The following FAM107B variants were observed in gnomAD, a reference collection of about 807,000 sequenced individuals.
FAM107B encodes family with sequence similarity 107 member B.
FAM107B carries 21 observed loss-of-function variants against 31.5 expected under a neutral mutation model. That is an observed-to-expected ratio of 0.67 (90% confidence interval 0.47 to 0.96). The LOEUF (loss-of-function observed/expected upper bound fraction) is 0.96, where lower values mean the gene tolerates loss of function less well. FAM107B is among the 40% of genes least tolerant of loss of function. FAM107B has a pLI of 0.00. For missense variants in FAM107B, 452 were observed against 377.1 expected (o/e 1.20, Z -1.64); for synonymous variants, 157 against 141.5 (o/e 1.11, Z -0.78).
At chr10:14,668,939 G>GA (rs1474053915) in intron 1 of FAM107B, among the ~76,000 whole-genome samples, 3 of 152,138 alleles carry the variant, frequency 2.0e-5, no homozygotes, top group African/African-American at 4.8e-5. Flanking sequence ...TAACCAGAGT[G>GA]AAAAAATTGA....
At chr10:14,767,051 TATATAGAGAGAGAGAGAG>T (rs1393376605) in intron 1 of FAM107B, among the ~76,000 whole-genome samples, 8 of 31,824 alleles carry the variant, frequency 2.5e-4, no homozygotes, top group African/African-American at 8.8e-4. Flanking sequence ...TATATATATA[TATATAGAGAGAGAGAGAG>T]AGAGAGAGAG....
chr10:14,712,455 G>C (rs964087960), intron 1 of FAM107B, among the ~76,000 whole-genome samples: 1 of 151,824 alleles, frequency 6.6e-6, no homozygotes, highest in Non-Finnish European at 1.5e-5. Context: ...TTAGCCAGCT[G>C]TGGTGATGGG....
At chr10:14,760,904 C>T (rs1173153274) in intron 1 of FAM107B, among the ~76,000 whole-genome samples, 3 of 149,390 alleles carry the variant, frequency 2.0e-5, no homozygotes, top group African/African-American at 4.9e-5. Flanking sequence ...TTCAGCTACT[C>T]GAGAGACTGA....
rs539613441 is a variant in FAM107B, at chr10:14,566,637, G to T, written c.470-36122C>A. ...GAGGGAACCAACACAGGTTGTTTAT[G>T]ATACTGAGTGTGCAATCATTTGCTG... On this transcript the variant is annotated intron_variant, in intron 2 of 4. Coordinates refer to ENST00000181796, the MANE Select transcript of FAM107B (RefSeq NM_031453.4). 3.3e-5 allele frequency among the ~76,000 whole-genome samples: 5 copies of T among 152,336 alleles called. No individual in the cohort carries two copies. The East Asian group carries it at 7.7e-4, about 24-fold the overall frequency.
At chr10:14,750,066 A>C (rs954987433) in intron 1 of FAM107B, among the ~76,000 whole-genome samples, 4 of 152,248 alleles carry the variant, frequency 2.6e-5, no homozygotes, top group African/African-American at 9.6e-5. Context: ...GGAGGGCACC[A>C]GGAAAAAATC....
intron 2 of FAM107B, among the ~76,000 whole-genome samples, chr10:14,570,238 GT>G (rs1446105051): frequency 3.2e-4 from 45 of 138,828 alleles, no homozygotes; most frequent in Non-Finnish European, 6.0e-4. Flanking sequence ...TGGTGGGTGT[GT>G]GTGTGTGTGT....
chr10:14,640,256 C>A (rs907570462), intron 2 of FAM107B, among the ~76,000 whole-genome samples: 1 of 152,200 alleles, frequency 6.6e-6, no homozygotes, highest in Non-Finnish European at 1.5e-5. Context: ...AGAATTTGAA[C>A]CCAGGGCTTC....
chr10:14,534,449 T>C (rs1047971474), intron 2 of FAM107B, among the ~76,000 whole-genome samples: 1 of 152,154 alleles, frequency 6.6e-6, no homozygotes, highest in African/African-American at 2.4e-5. Context: ...CTGCCAGCCA[T>C]CCTGCTCACT....
At chr10:14,640,403 T>C (rs1412578213) in intron 2 of FAM107B, among the ~76,000 whole-genome samples, 1 of 152,206 alleles carries the variant, frequency 6.6e-6, no homozygotes, top group Non-Finnish European at 1.5e-5. Flanking sequence ...ATGCCTCCAT[T>C]GATCACTTTA....
At chr10:14,657,857 C>G (rs373203667) in intron 2 of FAM107B, among the ~76,000 whole-genome samples, 1 of 151,618 alleles carries the variant, frequency 6.6e-6, no homozygotes. Flanking sequence ...GTCGCCCAGT[C>G]TGGAGTGCAG....
intron 2 of FAM107B, among the ~76,000 whole-genome samples, chr10:14,597,612 C>CCTGTGTCCGCAT (rs1246648530): frequency 6.6e-6 from 1 of 152,142 alleles, no homozygotes; most frequent in Non-Finnish European, 1.5e-5. Flanking sequence ...TCCAAGTGTC[C>CCTGTGTCCGCAT]CTGTGTCCGC....
intron 1 of FAM107B, among the ~76,000 whole-genome samples, chr10:14,695,175 T>G (rs1855235834): frequency 6.6e-6 from 1 of 152,206 alleles, no homozygotes; most frequent in South Asian, 2.1e-4. Flanking sequence ...TTGATTTTTG[T>G]GTACATTGTA....
chr10:14,762,978 A>G (rs2131592937), intron 1 of FAM107B, among the ~76,000 whole-genome samples: 1 of 152,294 alleles, frequency 6.6e-6, no homozygotes, highest in South Asian at 2.1e-4. Flanking sequence ...TTAAAAGGAC[A>G]GAGGCCAGGC....
intron 1 of FAM107B, among the ~76,000 whole-genome samples, chr10:14,720,877 G>A (rs1855894525): frequency 6.6e-6 from 1 of 151,734 alleles, no homozygotes; most frequent in Non-Finnish European, 1.5e-5. Context: ...TAAGTTCTAG[G>A]GTACAAGTGC....
intron 1 of FAM107B, among the ~76,000 whole-genome samples, chr10:14,769,296 T>C (rs1247583850): frequency 2.0e-5 from 3 of 152,218 alleles, no homozygotes; most frequent in Admixed American, 2.0e-4. Context: ...TCTGCCCAGT[T>C]GCTAAACCAA....
chr10:14,622,376 C>T (rs1001574831), intron 2 of FAM107B, among the ~76,000 whole-genome samples: 1 of 147,250 alleles, frequency 6.8e-6, no homozygotes, highest in African/African-American at 2.5e-5. Context: ...GGTGTGATCT[C>T]GGCTCACTGC....
intron 2 of FAM107B, among the ~76,000 whole-genome samples, chr10:14,544,121 G>C (rs1848492152): frequency 1.3e-5 from 2 of 152,174 alleles, no homozygotes; most frequent in Admixed American, 1.3e-4. Context: ...GCCCACACGG[G>C]AAGGCAGAGT....
In FAM107B at chr10:14,745,571, T is replaced by C. The variant is rs191413406; in HGVS notation, c.411+28682A>G. Among the ~76,000 whole-genome samples, 8 of 152,322 alleles carry C rather than the reference T, an allele frequency of 5.3e-5. No individual in the cohort carries two copies. In the East Asian group the frequency reaches 1.5e-3, roughly 29 times the overall value. On this transcript the variant is annotated intron_variant, in intron 1 of 4. Coordinates refer to ENST00000181796, the MANE Select transcript of FAM107B (RefSeq NM_031453.4). ...ATTTCATTATTTACCCAGGAGTCAT[T>C]CAGGAGCAAATTGTTCGATTTCCAT...
At chr10:14,690,138 C>T (rs917506860) in intron 1 of FAM107B, among the ~76,000 whole-genome samples, 1 of 152,134 alleles carries the variant, frequency 6.6e-6, no homozygotes, top group Non-Finnish European at 1.5e-5. Context: ...ATTGATCACA[C>T]CAATGGGTAA....
Sources: gnomAD v4.1 joint callset for allele counts (sites outside exome capture counted in the v4.1 genomes callset) on GRCh38, gnomAD v4.1.1 for gene constraint, MANE v1.5 for transcripts, NCBI Gene and HGNC (gene_info 2026-07-23, HGNC 2026-07-21) for gene names.